The following TMED3 variants were observed in gnomAD, a reference collection of about 807,000 sequenced individuals.
The protein encoded by TMED3 is transmembrane p24 trafficking protein 3.
TMED3 carries 9 observed loss-of-function variants against 15.0 expected under a neutral mutation model. The ratio of observed to expected loss-of-function variants is 0.60; its 90% CI spans 0.36 to 1.04. TMED3 has a LOEUF of 1.04. TMED3 is among the 50% of genes least tolerant of loss of function. The probability of loss-of-function intolerance (pLI) is 0.01; values close to 1 mark genes in which losing one functional copy is unlikely to be tolerated. For synonymous variants in TMED3, 117 were observed against 121.4 expected (o/e 0.96, Z 0.24); for missense variants, 267 against 278.9 (o/e 0.96, Z 0.30).
chr15:79,342,133 G>A (rs927130879), intron 2 of TMED3, among the ~76,000 whole-genome samples: 7 of 152,174 alleles, frequency 4.6e-5, no homozygotes, highest in African/African-American at 1.7e-4. Flanking sequence ...CAAAACAAGA[G>A]TTTGAAGCAG....
chr15:79,328,321 G>T (rs889834917), intron 2 of TMED3, among the ~76,000 whole-genome samples: 3 of 150,578 alleles, frequency 2.0e-5, no homozygotes, highest in African/African-American at 7.4e-5. Flanking sequence ...ATATATTTGA[G>T]TTGCATTTTT....
chr15:79,341,807 A>C (rs1334626496), intron 2 of TMED3, among the ~76,000 whole-genome samples: 1 of 152,124 alleles, frequency 6.6e-6, no homozygotes, highest in Non-Finnish European at 1.5e-5. Context: ...GCCCCTGAGG[A>C]GACATTTGAC....
intron 2 of TMED3, among the ~76,000 whole-genome samples, chr15:79,405,229 T>C (rs1893887763): frequency 6.6e-6 from 1 of 152,214 alleles, no homozygotes. Flanking sequence ...CTGCAGATGG[T>C]ATAGCTTTGA....
intron 2 of TMED3, among the ~76,000 whole-genome samples, chr15:79,387,420 G>C (rs1358687119): frequency 6.6e-6 from 1 of 152,020 alleles, no homozygotes; most frequent in African/African-American, 2.4e-5. Flanking sequence ...GTCAATCCCT[G>C]TGCAAATACT....
chr15:79,404,260 C>A (rs1035177123), intron 2 of TMED3, among the ~76,000 whole-genome samples: 1 of 152,196 alleles, frequency 6.6e-6, no homozygotes, highest in African/African-American at 2.4e-5. Flanking sequence ...TTGTAATCAT[C>A]CTGCCACCAC....
intron 2 of TMED3, among the ~76,000 whole-genome samples, chr15:79,410,619 T>A (rs189550290): frequency 2.0e-5 from 3 of 152,226 alleles, no homozygotes; most frequent in Non-Finnish European, 4.4e-5. Context: ...CCTTGAAGAT[T>A]TCCCATAGGT....
chr15:79,323,487 G>A (rs1025421734), downstream of TMED3, among the ~76,000 whole-genome samples: 5 of 152,070 alleles, frequency 3.3e-5, no homozygotes, highest in African/African-American at 1.2e-4. Context: ...ATTAAGTACT[G>A]GGTATATATA....
chr15:79,341,593 A>G (rs2058851972), intron 2 of TMED3, among the ~76,000 whole-genome samples: 1 of 152,182 alleles, frequency 6.6e-6, no homozygotes. Flanking sequence ...GAGTTGCTGA[A>G]CAGCTGCCAA....
Position 79,311,453 on chromosome 15 carries a change from T to G in TMED3, c.168+36T>G. On this transcript the variant is annotated intron_variant, in intron 1 of 2. Transcript: ENST00000299705. ...GCGCCCGGCAGCGCTCCCTTCTCCC[T>G]CCACTCCCAGGTCTCACCTGGACAC... The G allele has an allele frequency of 2.5e-6, 4 of 1,581,700 alleles. No homozygotes were observed. In the South Asian group the frequency reaches 4.7e-5, roughly 18 times the overall value.
At chr15:79,329,146 G>A (rs1481336388) in intron 2 of TMED3, among the ~76,000 whole-genome samples, 1 of 152,166 alleles carries the variant, frequency 6.6e-6, no homozygotes, top group East Asian at 1.9e-4. Flanking sequence ...AGCAAATGGG[G>A]ATTTTCTTCT....
intron 2 of TMED3, among the ~76,000 whole-genome samples, chr15:79,404,588 T>C (rs577041640): frequency 6.6e-6 from 1 of 152,358 alleles, no homozygotes; most frequent in African/African-American, 2.4e-5. Flanking sequence ...CACTTTTTCC[T>C]CCTCCCATCA....
intron 2 of TMED3, among the ~76,000 whole-genome samples, chr15:79,375,734 C>T (rs1292049888): frequency 6.6e-6 from 1 of 152,138 alleles, no homozygotes; most frequent in African/African-American, 2.4e-5. Context: ...CATAAGAACT[C>T]CATCCGCATG....
chr15:79,364,261 T>A (rs1466478225), intron 2 of TMED3, among the ~76,000 whole-genome samples: 4 of 152,172 alleles, frequency 2.6e-5, no homozygotes, highest in Admixed American at 2.6e-4. Flanking sequence ...CCAGTGTGCA[T>A]GTGGGCTCTT....
chr15:79,346,782 C>T (rs961597411), intron 2 of TMED3, among the ~76,000 whole-genome samples: 2 of 152,134 alleles, frequency 1.3e-5, no homozygotes, highest in African/African-American at 4.8e-5. Context: ...GGAATCCTTT[C>T]CTCATTGCTT....
chr15:79,345,607 A>C (rs1158915089), intron 2 of TMED3, among the ~76,000 whole-genome samples: 1 of 152,200 alleles, frequency 6.6e-6, no homozygotes, highest in Non-Finnish European at 1.5e-5. Context: ...TGCTGCAATG[A>C]ATATACACAT....
rs557509582 is a variant in TMED3 at position 79,390,887 on chromosome 15, C to G, written c.418-20513C>G. Among the ~76,000 whole-genome samples, 42 of 151,934 alleles carry G rather than the reference C, an allele frequency of 2.8e-4. 1 individual carries two copies. The highest frequency in any genetic ancestry group is 9.4e-4 in the African/African-American group (39 of 41,486). On this transcript the variant is annotated intron_variant, in intron 2 of 2. Coordinates refer to the TMED3 transcript ENST00000424155. ...ATGTACATAAAGGTGTTCATAGTAG[C>G]CTTGAACCATCTTTTATATTTCTGT...
chr15:79,392,266 G>A (rs1461248041), intron 2 of TMED3, among the ~76,000 whole-genome samples: 1 of 152,324 alleles, frequency 6.6e-6, no homozygotes, highest in Admixed American at 6.5e-5. Flanking sequence ...AAGACCTAGA[G>A]CTCCTTTTGG....
intron 2 of TMED3, among the ~76,000 whole-genome samples, chr15:79,337,620 T>G (rs565676442): frequency 3.3e-5 from 5 of 152,310 alleles, no homozygotes; most frequent in South Asian, 2.1e-4. Flanking sequence ...TAGCTTGAAT[T>G]ACTTCCCTTT....
At chr15:79,331,792 T>C (rs2058810276) in intron 2 of TMED3, among the ~76,000 whole-genome samples, 1 of 152,146 alleles carries the variant, frequency 6.6e-6, no homozygotes, top group African/African-American at 2.4e-5. Context: ...ACAAAATATA[T>C]GAAAATATGC....
Sources: gnomAD v4.1 joint callset for allele counts (sites outside exome capture counted in the v4.1 genomes callset) on GRCh38, gnomAD v4.1.1 for gene constraint, MANE v1.5 for transcripts, NCBI Gene and HGNC (gene_info 2026-07-23, HGNC 2026-07-21) for gene names.